Variants in MAGI2 observed in about 807,000 individuals in gnomAD.
The protein encoded by MAGI2 is membrane associated guanylate kinase, WW and PDZ domain containing 2, also known as membrane-associated guanylate kinase, WW and PDZ domain-containing protein 2.
A neutral mutation model predicts 133.3 loss-of-function variants in MAGI2; 35 were observed. The ratio of observed to expected loss-of-function variants is 0.26; its 90% CI spans 0.20 to 0.35. The LOEUF is 0.35. Ranked by LOEUF, MAGI2 falls within the 10% of genes least tolerant of loss-of-function variation. The pLI, the probability that MAGI2 is intolerant of heterozygous loss-of-function variation, is 1.00. For synonymous variants in MAGI2, 729 were observed against 710.6 expected (o/e 1.03, Z -0.41); for missense variants, 1,636 against 1,863.4 (o/e 0.88, Z 2.25).
At chr7:79,417,115 T>C (rs149234076) in intron 1 of MAGI2, among the ~76,000 whole-genome samples, 230 of 152,228 alleles carry the variant, frequency 1.5e-3, no homozygotes, top group African/African-American at 5.2e-3. Context: ...GGCCTATATG[T>C]TTTATTTATC....
intron 18 of MAGI2, among the ~76,000 whole-genome samples, chr7:78,127,787 G>C (rs2074645): frequency 0.86 from 130,369 of 152,148 alleles, 56,247 homozygotes; most frequent in African/African-American, 0.91. Context: ...CCTATCTTAA[G>C]ACTGGTAAAC....
chr7:79,265,549 C>T (rs943022688), intron 1 of MAGI2, among the ~76,000 whole-genome samples: 1 of 151,886 alleles, frequency 6.6e-6, no homozygotes, highest in African/African-American at 2.4e-5. Flanking sequence ...TTCTTTTTTA[C>T]ATTTGATAGT....
intron 6 of MAGI2, among the ~76,000 whole-genome samples, chr7:78,432,203 C>A (rs1405313947): frequency 6.7e-6 from 1 of 150,060 alleles, no homozygotes; most frequent in Non-Finnish European, 1.5e-5. Flanking sequence ...CCAGTGCAGG[C>A]CTTACAAAAA....
intron 1 of MAGI2, among the ~76,000 whole-genome samples, chr7:79,445,678 G>A (rs903902896): frequency 1.6e-4 from 24 of 152,216 alleles, no homozygotes; most frequent in African/African-American, 5.5e-4. Context: ...AGGCGCTGGA[G>A]AGGATGTGGA....
chr7:79,214,996 T>C (rs75530960), intron 1 of MAGI2, among the ~76,000 whole-genome samples: 15,564 of 150,720 alleles, frequency 0.1, 2,020 homozygotes, highest in African/African-American at 0.3. Context: ...TGTACACAAA[T>C]ATTTCTAAAC....
chr7:78,589,678 G>C (rs1803792115), intron 3 of MAGI2, among the ~76,000 whole-genome samples: 1 of 152,198 alleles, frequency 6.6e-6, no homozygotes, highest in Admixed American at 6.5e-5. Context: ...TACCAGGTGT[G>C]ATCTAAATTG....
At chr7:78,244,104 G>A (rs3915116) in intron 10 of MAGI2, among the ~76,000 whole-genome samples, 2,132 of 145,186 alleles carry the variant, frequency 0.015, 60 homozygotes, top group African/African-American at 0.051. Flanking sequence ...TGGGAGGATC[G>A]CTTGAGGCCA....
intron 6 of MAGI2, among the ~76,000 whole-genome samples, chr7:78,409,462 G>A (rs373906873): frequency 1.3e-5 from 2 of 151,972 alleles, no homozygotes; most frequent in African/African-American, 2.4e-5. Flanking sequence ...CTGTACTTCA[G>A]GGGCATCACA....
chr7:79,363,877 C>T (rs1405695571), intron 1 of MAGI2, among the ~76,000 whole-genome samples: 1 of 151,304 alleles, frequency 6.6e-6, no homozygotes. Context: ...CATATGTATC[C>T]CACAAATATG....
intron 1 of MAGI2, among the ~76,000 whole-genome samples, chr7:79,407,828 C>G (rs1460134972): frequency 6.6e-6 from 1 of 151,678 alleles, no homozygotes; most frequent in Non-Finnish European, 1.5e-5. Context: ...GACACAATAC[C>G]TACAATTTTG....
chr7:78,777,588 A>G (rs575432998), intron 2 of MAGI2, among the ~76,000 whole-genome samples: 10 of 152,300 alleles, frequency 6.6e-5, no homozygotes, highest in Admixed American at 3.3e-4. Flanking sequence ...CATCATAGCC[A>G]AAGCTTGTCA....
chr7:79,218,702 G>T lies in MAGI2; in HGVS notation c.302-211496C>A, dbSNP rs537987182. On this transcript the variant is annotated intron_variant, in intron 1 of 21. Transcript: ENST00000354212. The stretch of plus-strand genomic sequence containing the variant: ...TAAAAAGTTGGATTCAAAATATTCA[G>T]CTCACTGAAAACCCTTTCTTGAATG... Among the ~76,000 whole-genome samples the T allele has an allele frequency of 7.9e-5, 12 of 152,132 alleles. No homozygotes were observed. In the South Asian group the frequency reaches 2.5e-3, roughly 32 times the overall value.
intron 10 of MAGI2, among the ~76,000 whole-genome samples, chr7:78,219,480 C>G (rs975968953): frequency 2.6e-5 from 4 of 152,156 alleles, no homozygotes; most frequent in African/African-American, 9.7e-5. Flanking sequence ...CTGAGGCATT[C>G]TCCTGGGTTG....
intron 2 of MAGI2, among the ~76,000 whole-genome samples, chr7:78,754,488 C>T (rs1207878): frequency 0.96 from 145,790 of 152,310 alleles, 69,807 homozygotes; most frequent in East Asian, 1. Flanking sequence ...TTATGATAAA[C>T]ATGGACTCAC....
At chr7:79,150,073 G>C (rs765346847) in intron 1 of MAGI2, among the ~76,000 whole-genome samples, 19 of 152,138 alleles carry the variant, frequency 1.2e-4, no homozygotes, top group Non-Finnish European at 2.1e-4. Flanking sequence ...TTGTGTGGCA[G>C]AAAGATGGCA....
chr7:78,141,035 G>A (rs1177234297), intron 16 of MAGI2, among the ~76,000 whole-genome samples: 1 of 152,202 alleles, frequency 6.6e-6, no homozygotes. Context: ...TTCTGGGGAG[G>A]AGGGAATATG....
intron 1 of MAGI2, among the ~76,000 whole-genome samples, chr7:79,036,670 T>TC (rs1554338608): frequency 2.0e-5 from 3 of 150,420 alleles, no homozygotes; most frequent in Admixed American, 6.6e-5. Flanking sequence ...GATTTTTTTT[T>TC]CCCCCGAGTA....
chr7:78,210,397 G>A (rs1398850502), intron 10 of MAGI2, among the ~76,000 whole-genome samples: 4 of 152,148 alleles, frequency 2.6e-5, no homozygotes, highest in Non-Finnish European at 5.9e-5. Flanking sequence ...GTACTATAAA[G>A]GAGAAGATGA....
intron 21 of MAGI2, among the ~76,000 whole-genome samples, chr7:78,061,408 G>GCACA (rs1813242866): frequency 1.0e-5 from 1 of 99,636 alleles, no homozygotes; most frequent in Non-Finnish European, 1.9e-5. Flanking sequence ...GGGACTGGTT[G>GCACA]TACACACACA....
Sources: allele counts gnomAD v4.1 joint callset (sites outside exome capture counted in the v4.1 genomes callset), GRCh38; gene constraint gnomAD v4.1.1; transcripts MANE v1.5; gene names NCBI Gene and HGNC (gene_info 2026-07-23, HGNC 2026-07-21).